Variants in HSPA12A observed in about 807,000 individuals in gnomAD.
HSPA12A encodes the protein heat shock protein family A (Hsp70) member 12A, also known as heat shock 70 kDa protein 12A.
HSPA12A carries 28 observed loss-of-function variants against 69.2 expected under a neutral mutation model. That is an observed-to-expected ratio of 0.40 (90% CI 0.30 to 0.55). The LOEUF (loss-of-function observed/expected upper bound fraction) is 0.55, where lower values mean the gene tolerates loss of function less well. HSPA12A is among the 20% of genes least tolerant of loss of function. HSPA12A has a pLI of 0.38. For synonymous variants in HSPA12A, 345 were observed against 370.5 expected, an observed-to-expected ratio of 0.93 and a Z score of 0.79; for missense variants, 686 against 900.7, an observed-to-expected ratio of 0.76 and a Z score of 3.05.
At chr10:116,696,977 GC>G (rs781974981) in intron 5 of HSPA12A, among the ~76,000 whole-genome samples, 31 of 151,878 alleles carry the variant, frequency 2.0e-4, no homozygotes, top group Middle Eastern at 6.8e-3. Flanking sequence ...CAGAATCTCT[GC>G]CTCCCCCAGC....
In HSPA12A at chr10:116,672,675, G is replaced by A. The variant is rs1361534470; in HGVS notation, c.*2106C>T. On this transcript the variant is annotated 3_prime_UTR_variant, in exon 12 of 12. Transcript: ENST00000369209. Reference sequence around the variant, plus strand: ...CTTTTTGAAACAAGAAAAGCGCATCGTAGAAACCAAGATTCTGTACAATAT... The same window carrying A: ...CTTTTTGAAACAAGAAAAGCGCATCATAGAAACCAAGATTCTGTACAATAT... 6 of 152,554 alleles carry A rather than the reference G, an allele frequency of 3.9e-5. No homozygotes were observed. Among genetic ancestry groups the A allele is most frequent in the South Asian group, 4.1e-4 (2 of 4,822 alleles). The allele number at this position is 152,554 out of a possible 1,614,324, so 9.5% of individuals were successfully genotyped here.
At position 116,835,062 on chromosome 10, in the gene HSPA12A, G is replaced by A. The variant is rs1022284491; in HGVS notation, c.4-40C>T. 9 of 1,186,312 alleles carry A rather than the reference G, an allele frequency of 7.6e-6. No individual in the cohort carries two copies. The African/African-American group carries it at 7.9e-5, about 10-fold the overall frequency. The allele number at this position is 1,186,312 out of a possible 1,614,324, so 73.5% of individuals were successfully genotyped here. ...AAAAGAGTTGCACTGTGAAAATGTC[G>A]ATTTGTTTCCATGTTGCTCTTAAGT... On this transcript the variant is annotated intron_variant, in intron 1 of 12. Transcript: ENST00000635765.
chr10:116,804,965 G>A (rs936002401), intron 2 of HSPA12A, among the ~76,000 whole-genome samples: 1 of 152,204 alleles, frequency 6.6e-6, no homozygotes, highest in Non-Finnish European at 1.5e-5. Flanking sequence ...GGATAGTGGG[G>A]ATGGAGGTAA....
intron 1 of HSPA12A, among the ~76,000 whole-genome samples, chr10:116,848,042 G>A (rs1421142867): frequency 6.6e-6 from 1 of 152,146 alleles, no homozygotes; most frequent in Non-Finnish European, 1.5e-5. Flanking sequence ...TTCTTCCAGG[G>A]GTGTATGAGG....
At chr10:116,805,054 C>T (rs1197961094) in intron 2 of HSPA12A, among the ~76,000 whole-genome samples, 1 of 152,174 alleles carries the variant, frequency 6.6e-6, no homozygotes, top group Non-Finnish European at 1.5e-5. Context: ...CGGTGGCTCA[C>T]GCCTGTAACC....
chr10:116,684,148 A>T (rs1836690564), intron 6 of HSPA12A, among the ~76,000 whole-genome samples, 186 bp from the exon 7 acceptor site: 1 of 152,088 alleles, frequency 6.6e-6, no homozygotes, highest in African/African-American at 2.4e-5. Context: ...CAAGCCAGAT[A>T]CCCAAACACC....
intron 2 of HSPA12A, among the ~76,000 whole-genome samples, chr10:116,804,892 T>C (rs1422194427): frequency 6.6e-6 from 1 of 152,200 alleles, no homozygotes; most frequent in East Asian, 1.9e-4. Context: ...CTCTGATCAA[T>C]GTTTCTTTTA....
chr10:116,800,852 C>A (rs1268431623), intron 2 of HSPA12A, among the ~76,000 whole-genome samples: 4 of 152,176 alleles, frequency 2.6e-5, no homozygotes, highest in African/African-American at 9.7e-5. Flanking sequence ...AAAGTTGCAG[C>A]CTTGAAGCCT....
chr10:116,845,082 G>T (rs941404641), intron 1 of HSPA12A, among the ~76,000 whole-genome samples: 4 of 152,070 alleles, frequency 2.6e-5, no homozygotes, highest in Non-Finnish European at 5.9e-5. Flanking sequence ...CTCTAAAAAG[G>T]CCACCAGGAA....
At chr10:116,701,289 G>A (rs144217770) in intron 3 of HSPA12A, among the ~76,000 whole-genome samples, 160 bp from the exon 4 acceptor site, 1 of 152,342 alleles carries the variant, frequency 6.6e-6, no homozygotes, top group Non-Finnish European at 1.5e-5. Flanking sequence ...CACAACTTCA[G>A]TTAAAAAGGA....
intron 1 of HSPA12A, among the ~76,000 whole-genome samples, chr10:116,739,780 C>T (rs1246940078): frequency 2.0e-5 from 3 of 152,250 alleles, no homozygotes; most frequent in East Asian, 3.9e-4. Flanking sequence ...AATTTGCAAA[C>T]ATACACAAAG....
chr10:116,723,106 C>G lies in HSPA12A; in HGVS notation c.41-15821G>C, dbSNP rs183372488. Among the ~76,000 whole-genome samples, 190 of 152,296 alleles carry G rather than the reference C, an allele frequency of 1.2e-3. No homozygotes were observed. The highest frequency in any genetic ancestry group is 4.3e-3 in the African/African-American group (180 of 41,558). ...ATCACATCACAACCACCACCATCATCATGTCACTCCCAGCCTCAAGCACCT... is the reference window on the plus strand; with the variant it reads ...ATCACATCACAACCACCACCATCATGATGTCACTCCCAGCCTCAAGCACCT... On this transcript the variant is annotated intron_variant, in intron 1 of 11. Transcript: ENST00000369209. This position sits in a 1 kb window ranked among gnomAD's most constrained non-coding sequence, Gnocchi z 4.1.
intron 1 of HSPA12A, among the ~76,000 whole-genome samples, chr10:116,707,804 C>A (rs1554882692): frequency 6.6e-6 from 1 of 152,186 alleles, no homozygotes; most frequent in African/African-American, 2.4e-5. Context: ...GAAAGAGCGT[C>A]CTTGCCTAGC....
At position 116,710,805 on chromosome 10, in the gene HSPA12A, A is replaced by G. The variant is rs1554882974; in HGVS notation, c.41-3520T>C. Among the ~76,000 whole-genome samples, 1 of 152,206 alleles carries G rather than the reference A, an allele frequency of 6.6e-6. No individual in the cohort carries two copies. Among genetic ancestry groups the G allele is most frequent in the Non-Finnish European group, 1.5e-5 (1 of 68,032 alleles). On this transcript the variant is annotated intron_variant, in intron 1 of 11. Transcript: ENST00000369209. The surrounding 1 kb of genome is among the most constrained non-coding windows in gnomAD (Gnocchi z 4.1). Reference sequence around the variant, plus strand: ...GATAATTCACCAGCGAATGTCCATCAGTACAGCACAGAAATATACACAGCC... The same window carrying G: ...GATAATTCACCAGCGAATGTCCATCGGTACAGCACAGAAATATACACAGCC...
At chr10:116,767,371 G>A (rs1554889875) in intron 2 of HSPA12A, among the ~76,000 whole-genome samples, 1 of 152,154 alleles carries the variant, frequency 6.6e-6, no homozygotes, top group African/African-American at 2.4e-5. Context: ...CCCCACCAGT[G>A]ACGGTGCAGA....
intron 2 of HSPA12A, among the ~76,000 whole-genome samples, chr10:116,767,943 G>A (rs1681261664): frequency 6.6e-6 from 1 of 152,118 alleles, no homozygotes; most frequent in African/African-American, 2.4e-5. Context: ...AAAAAGTTTG[G>A]CAGTTCCTCA....
Position 116,846,044 on chromosome 10 carries a change from A to G in HSPA12A, c.3+3522T>C, listed in dbSNP as rs1469489308. On this transcript the variant is annotated intron_variant, in intron 1 of 12. Transcript: ENST00000635765. ...TCACTGGAACTTAAATTCCATGAAG[A>G]GAAGGAATTTATTTTATTCACTGTT... Among the ~76,000 whole-genome samples the G allele has an allele frequency of 2.0e-5, 3 of 152,306 alleles. No homozygotes were observed. The South Asian group carries it at 6.2e-4, about 32-fold the overall frequency.
intron 2 of HSPA12A, among the ~76,000 whole-genome samples, chr10:116,789,600 C>T (rs1844657179): frequency 6.6e-6 from 1 of 152,206 alleles, no homozygotes; most frequent in Non-Finnish European, 1.5e-5. Context: ...AACAAAGCTA[C>T]AGTGGTACCT....
intron 2 of HSPA12A, among the ~76,000 whole-genome samples, chr10:116,800,487 G>A (rs1187085885): frequency 1.3e-5 from 2 of 152,282 alleles, no homozygotes; most frequent in Admixed American, 1.3e-4. Context: ...CCCGAAACCT[G>A]GGCACCCACC....
Sources: gnomAD v4.1 joint callset for allele counts (sites outside exome capture counted in the v4.1 genomes callset) on GRCh38, gnomAD v4.1.1 for gene constraint, Gnocchi (gnomAD v3.1) non-coding constraint, MANE v1.5 for transcripts, NCBI Gene and HGNC (gene_info 2026-07-23, HGNC 2026-07-21) for gene names.